The following ERC2 variants were observed in gnomAD, a reference collection of about 807,000 sequenced individuals.
ERC2 encodes the protein ERC protein 2.
In ERC2, 42 loss-of-function variants were observed where a neutral mutation model predicts 114.8. The ratio of observed to expected loss-of-function variants is 0.37; its 90% CI spans 0.29 to 0.47. The LOEUF (loss-of-function observed/expected upper bound fraction) is 0.47. Among genes scored for constraint, ERC2 ranks in the 20% least tolerant of loss-of-function variants. ERC2 has a pLI of 0.99. For missense variants in ERC2, 939 were observed against 1,150.7 expected (o/e 0.82, Z 2.66); for synonymous variants, 454 against 425.5 (o/e 1.07, Z -0.82).
intron 17 of ERC2, among the ~76,000 whole-genome samples, chr3:55,559,197 C>G (rs772734823): frequency 6.6e-6 from 1 of 152,244 alleles, no homozygotes; most frequent in Non-Finnish European, 1.5e-5. Context: ...TGCCTTTCTT[C>G]CTGACTCCTG....
chr3:56,212,122 G>C (rs914261416), intron 3 of ERC2, among the ~76,000 whole-genome samples: 2 of 152,062 alleles, frequency 1.3e-5, no homozygotes, highest in Non-Finnish European at 2.9e-5. Flanking sequence ...AAAAGCTTCT[G>C]TACAACAAAA....
intron 17 of ERC2, among the ~76,000 whole-genome samples, chr3:55,630,035 G>T (rs1235928559): frequency 6.6e-6 from 1 of 152,230 alleles, no homozygotes; most frequent in Non-Finnish European, 1.5e-5. Context: ...TCTGTAACAG[G>T]ACGGAAGAGA....
chr3:56,232,825 G>A (rs1281632587), intron 3 of ERC2, among the ~76,000 whole-genome samples: 1 of 152,176 alleles, frequency 6.6e-6, no homozygotes, highest in Non-Finnish European at 1.5e-5. Context: ...CTACACACTA[G>A]AATTCTTCAG....
rs1332236175 is a variant in ERC2, at chr3:56,296,396, G to A, written c.697C>T (p.Arg233Ter). Residue 233 changes from arginine to a stop codon, truncating the protein, a stop_gained, in exon 3 of 18, where the codon CGA becomes TGA. Coordinates refer to ENST00000288221, the MANE Select transcript of ERC2 (RefSeq NM_015576.3). LOFTEE classifies it high-confidence loss of function. Reference protein sequence around the residue: ...LTIQALQDELRTQRDLNHLLQ... With the variant: ...LTIQALQDEL ...AGGTGGTTGAGGTCTCTCTGGGTTC[G>A]CAGCTCATCTTGAAGGGCCTGGATT... 2 of 1,613,902 alleles carry A rather than the reference G, an allele frequency of 1.2e-6. No individual in the cohort carries two copies. Among genetic ancestry groups the A allele is most frequent in the Non-Finnish European group, 8.5e-7 (1 of 1,179,830 alleles).
intron 6 of ERC2, among the ~76,000 whole-genome samples, chr3:56,118,551 G>C (rs2079380625): frequency 1.3e-5 from 2 of 151,618 alleles, no homozygotes; most frequent in African/African-American, 4.9e-5. Flanking sequence ...TCTTTTCCAT[G>C]TACTAATTTG....
chr3:56,309,990 G>T lies in ERC2; in HGVS notation c.658-13555C>A, dbSNP rs1431551705. Among the ~76,000 whole-genome samples the T allele has an allele frequency of 2.6e-5, 4 of 152,132 alleles. No homozygotes were observed. The South Asian group carries it at 8.3e-4, about 32-fold the overall frequency. On this transcript the variant is annotated intron_variant, in intron 2 of 17. Coordinates refer to ENST00000288221, the MANE Select transcript of ERC2 (RefSeq NM_015576.3). ...CATTTTTTTAAATAAGAGAAAAAGGGAAATAGATGTTTTAAGACCAATTCG... is the reference window on the plus strand; with the variant it reads ...CATTTTTTTAAATAAGAGAAAAAGGTAAATAGATGTTTTAAGACCAATTCG...
intron 17 of ERC2, among the ~76,000 whole-genome samples, chr3:55,611,883 C>A (rs954885864): frequency 2.0e-5 from 3 of 152,140 alleles, no homozygotes; most frequent in African/African-American, 7.2e-5. Context: ...AAGTACTTGT[C>A]TGGAGGGTCT....
chr3:55,985,911 C>G, intron 12 of ERC2, 66 bp downstream of exon 12: 2 of 1,393,022 alleles, frequency 1.4e-6, no homozygotes, highest in South Asian at 2.5e-5. Flanking sequence ...GTTTGTTAAA[C>G]AAGTGCAAGC....
intron 2 of ERC2, among the ~76,000 whole-genome samples, chr3:56,308,729 T>C (rs1270970854): frequency 6.6e-6 from 1 of 152,142 alleles, no homozygotes; most frequent in African/African-American, 2.4e-5. Context: ...TAGGGTTTCA[T>C]TGCTATGAAA....
chr3:55,530,320 C>T (rs557366964), intron 17 of ERC2, among the ~76,000 whole-genome samples: 3 of 152,318 alleles, frequency 2.0e-5, no homozygotes, highest in South Asian at 4.1e-4. Flanking sequence ...CTCAATTCTG[C>T]AATCGTGGCA....
chr3:55,623,174 T>C (rs1430808693), intron 17 of ERC2, among the ~76,000 whole-genome samples: 1 of 152,186 alleles, frequency 6.6e-6, no homozygotes, highest in African/African-American at 2.4e-5. Flanking sequence ...GCATTTCAGT[T>C]TCACCACTTG....
chr3:55,839,742 CAATT>C (rs547780097), intron 14 of ERC2, among the ~76,000 whole-genome samples: 13 of 151,882 alleles, frequency 8.6e-5, no homozygotes, highest in African/African-American at 2.6e-4. Context: ...TAAAAATCCT[CAATT>C]AATCCAAATC....
intron 17 of ERC2, among the ~76,000 whole-genome samples, chr3:55,531,822 C>T (rs1184706012): frequency 2.0e-5 from 3 of 152,236 alleles, no homozygotes; most frequent in Non-Finnish European, 2.9e-5. Context: ...TCCTCCTCTT[C>T]TCTCCTTCCC....
intron 14 of ERC2, among the ~76,000 whole-genome samples, chr3:55,798,792 G>A (rs1006913292): frequency 6.6e-5 from 10 of 152,082 alleles, no homozygotes; most frequent in South Asian, 2.1e-4. Flanking sequence ...TCAGAGAAAC[G>A]AAAATTGAAA....
At chr3:56,347,240 T>C (rs1576530467) in intron 2 of ERC2, among the ~76,000 whole-genome samples, 1 of 152,166 alleles carries the variant, frequency 6.6e-6, no homozygotes, top group East Asian at 1.9e-4. Context: ...CAAAATACCA[T>C]GGTAGTCGAA....
At chr3:55,699,242 A>T (rs1261231540) in intron 16 of ERC2, 136 bp downstream of exon 16, 1 of 1,121,058 alleles carries the variant, frequency 8.9e-7, no homozygotes, top group East Asian at 2.6e-5. Context: ...GATGGAAATA[A>T]ATACCAAAGC....
chr3:56,281,718 A>G (rs541369458), intron 3 of ERC2, among the ~76,000 whole-genome samples: 3 of 152,338 alleles, frequency 2.0e-5, no homozygotes, highest in Non-Finnish European at 2.9e-5. Context: ...AGTATTTAAC[A>G]TGTATTACAT....
intron 4 of ERC2, among the ~76,000 whole-genome samples, chr3:56,151,037 C>T (rs2081384656): frequency 6.6e-6 from 1 of 152,124 alleles, no homozygotes; most frequent in South Asian, 2.1e-4. Context: ...CTCACCAGAA[C>T]CTTATCATGC....
rs9824691 is a variant in ERC2, at chr3:56,211,067, T to G, written c.1075-37547A>C. Reference sequence around the variant, plus strand: ...ATTCCATAAAATTTATCTCATTAGGTAGAACTTAAATTTAATATAATTTTT... The same window carrying G: ...ATTCCATAAAATTTATCTCATTAGGGAGAACTTAAATTTAATATAATTTTT... On this transcript the variant is annotated intron_variant, in intron 3 of 17. Transcript: ENST00000288221. 1.3e-5 allele frequency among the ~76,000 whole-genome samples: 2 copies of G among 152,132 alleles called. 1 individual carries two copies. The highest frequency in any genetic ancestry group is 4.2e-4 in the South Asian group (2 of 4,812).
Sources: allele counts gnomAD v4.1 joint callset (sites outside exome capture counted in the v4.1 genomes callset), GRCh38; gene constraint gnomAD v4.1.1; transcripts MANE v1.5; gene names NCBI Gene and HGNC (gene_info 2026-07-23, HGNC 2026-07-21).